DOCK8: variants seen among roughly 807,000 people sequenced by gnomAD.
DOCK8 encodes the protein dedicator of cytokinesis 8, also known as dedicator of cytokinesis protein 8.
DOCK8 carries 141 observed loss-of-function variants against 245.6 expected under a neutral mutation model. That is an observed-to-expected ratio of 0.57 (90% CI 0.50 to 0.66). The LOEUF (loss-of-function observed/expected upper bound fraction) is 0.66, where lower values mean the gene tolerates loss of function less well. Among genes scored for constraint, DOCK8 ranks in the 30% least tolerant of loss-of-function variants. The pLI is 0.00. For missense variants in DOCK8, 2,965 were observed against 2,603.4 expected, an observed-to-expected ratio of 1.14 and a Z score of -3.02; for synonymous variants, 1,168 against 970.2, an observed-to-expected ratio of 1.20 and a Z score of -3.79.
At chr9:273,031 C>G (rs1035026043) in intron 2 of DOCK8, 1 of 985,168 alleles carries the variant, frequency 1.0e-6, no homozygotes, top group African/African-American at 1.7e-5. Context: ...ACCTTCCGCT[C>G]AGTTTCCGGT....
intron 2 of DOCK8, among the ~76,000 whole-genome samples, chr9:276,583 T>C (rs1401430577): frequency 6.6e-6 from 1 of 152,192 alleles, no homozygotes; most frequent in South Asian, 2.1e-4. Context: ...CCAGGTCTAT[T>C]TGACACTCCT....
rs775169884 is a variant in DOCK8 at position 399,227 on chromosome 9, G to A, written c.3202G>A (p.Val1068Met). The change falls in exon 26 of 48, where the codon GTG becomes ATG. Residue 1068 changes from valine to methionine, a missense_variant. By Grantham distance (21) the Val-to-Met change is conservative. This residue lies in a region of DOCK8 where 2,825 missense variants were observed against 2,453.5 expected (regional missense o/e 1.15). Coordinates refer to ENST00000432829, the MANE Select transcript of DOCK8 (RefSeq NM_203447.4). The stretch of plus-strand genomic sequence containing the variant: ...TCTCTCCCTCATGGATCGGGGCTTT[G>A]TGTTTAACCTCATCAGACATTATTG... ...DLLSLMDRGFVFNLIRHYCSQ... is the reference protein window; with the variant it reads ...DLLSLMDRGFMFNLIRHYCSQ... 8 of 1,613,916 alleles carry A rather than the reference G, an allele frequency of 5.0e-6. No homozygotes were observed. The highest frequency in any genetic ancestry group is 1.7e-4 in the Middle Eastern group (1 of 6,060).
chr9:250,704 A>G (rs977653993), intron 1 of DOCK8, among the ~76,000 whole-genome samples: 2 of 152,228 alleles, frequency 1.3e-5, no homozygotes, highest in Non-Finnish European at 2.9e-5. Flanking sequence ...ATCAAATAGT[A>G]GAGTTGATAG....
intron 20 of DOCK8, among the ~76,000 whole-genome samples, chr9:378,220 T>C (rs145465015): frequency 1.0e-3 from 152 of 152,234 alleles, no homozygotes; most frequent in African/African-American, 3.5e-3. Flanking sequence ...AAAACATCCA[T>C]CTGGGAGGAT....
At chr9:272,085 A>C (rs1303353068) in intron 2 of DOCK8, among the ~76,000 whole-genome samples, 1 of 152,188 alleles carries the variant, frequency 6.6e-6, no homozygotes, top group Non-Finnish European at 1.5e-5. Flanking sequence ...CATATTCCAA[A>C]ATCTGAAATG....
At chr9:374,529 A>G (rs1443590178) in intron 18 of DOCK8, among the ~76,000 whole-genome samples, 2 of 136,164 alleles carry the variant, frequency 1.5e-5, no homozygotes, top group African/African-American at 5.6e-5. Flanking sequence ...TGGCGTGATC[A>G]CAGCTCACTG....
At chr9:418,001 T>A in intron 29 of DOCK8, 67 bp from the exon 30 acceptor site, 1 of 1,606,980 alleles carries the variant, frequency 6.2e-7, no homozygotes, top group Admixed American at 1.7e-5. Context: ...ATCAGTCTCT[T>A]ATTGGGTAGG....
At chr9:336,275 C>T (rs1287017935) in intron 11 of DOCK8, among the ~76,000 whole-genome samples, 1 of 152,202 alleles carries the variant, frequency 6.6e-6, no homozygotes, top group African/African-American at 2.4e-5. Context: ...TAAAGCTTAT[C>T]AGGAGACCCT....
At chr9:429,185 T>G (rs2056615787) in intron 35 of DOCK8, among the ~76,000 whole-genome samples, 2 of 152,194 alleles carry the variant, frequency 1.3e-5, no homozygotes, top group Admixed American at 1.3e-4. Context: ...CAGGCTGGTC[T>G]TGAACTCCTG....
In DOCK8 at chr9:393,085, C is replaced by CAAAA. The variant is rs1159933739; in HGVS notation, c.2970+2545_2970+2548dup. On this transcript the variant is annotated intron_variant, in intron 24 of 47. Coordinates refer to ENST00000432829, the MANE Select transcript of DOCK8 (RefSeq NM_203447.4). Reference sequence around the variant, plus strand: ...TGGGCAACAGATTGAGACCCTGTCTCAAAAAAAAAAAAAAAAAAAAAAAAA... The same window carrying CAAAA: ...TGGGCAACAGATTGAGACCCTGTCTCAAAAAAAAAAAAAAAAAAAAAAAAAAAAA... 4.5e-3 allele frequency among the ~76,000 whole-genome samples: 200 copies of CAAAA among 44,642 alleles called. 1 individual carries two copies. Among genetic ancestry groups the CAAAA allele is most frequent in the Non-Finnish European group, 5.2e-3 (125 of 23,952 alleles). 29.3% of individuals were successfully genotyped at this position (44,642 alleles called of 152,430 possible). A position where few individuals can be genotyped will look rare whatever the true frequency, so the allele number is the denominator to read the frequency against.
At chr9:287,652 ATATGTG>A (rs956739068) in intron 3 of DOCK8, among the ~76,000 whole-genome samples, 1 of 152,222 alleles carries the variant, frequency 6.6e-6, no homozygotes, top group African/African-American at 2.4e-5. Flanking sequence ...AGAACTGACC[ATATGTG>A]TAGCTCTGAT....
intron 1 of DOCK8, among the ~76,000 whole-genome samples, chr9:232,291 G>C (rs1308196725): frequency 6.6e-6 from 1 of 152,060 alleles, no homozygotes; most frequent in Non-Finnish European, 1.5e-5. Flanking sequence ...TGCTGGATTC[G>C]GTTTGCCAGT....
chr9:417,967 T>C, intron 29 of DOCK8, 101 bp from the exon 30 acceptor site: 1 of 1,488,434 alleles, frequency 6.7e-7, no homozygotes, highest in Non-Finnish European at 9.3e-7. Context: ...GAAATTACTG[T>C]GCTGACTTTA....
At chr9:252,125 C>A (rs2047664844) in intron 1 of DOCK8, among the ~76,000 whole-genome samples, 1 of 151,878 alleles carries the variant, frequency 6.6e-6, no homozygotes, top group African/African-American at 2.4e-5. Flanking sequence ...AGGCATATGC[C>A]ACCATGCCCG....
intron 7 of DOCK8, among the ~76,000 whole-genome samples, chr9:324,925 A>C (rs1471383608): frequency 6.6e-6 from 1 of 152,142 alleles, no homozygotes; most frequent in African/African-American, 2.4e-5. Context: ...CCGTCACCCA[A>C]GCAGTGTACA....
rs577143800 is a variant in DOCK8 at position 244,985 on chromosome 9, C to A, written c.54-26642C>A. Among the ~76,000 whole-genome samples, 22 of 152,192 alleles carry A rather than the reference C, an allele frequency of 1.4e-4. No individual in the cohort carries two copies. The East Asian group carries it at 4.1e-3, about 28-fold the overall frequency. ...GGGCAGACCACTGGGAAAAACAAGA[C>A]CCTTGGGTTTTCTGACCACTGGCCA... On this transcript the variant is annotated intron_variant, in intron 1 of 47. Coordinates refer to ENST00000432829, the MANE Select transcript of DOCK8 (RefSeq NM_203447.4).
At chr9:326,448 A>G (rs10970468) in intron 8 of DOCK8, among the ~76,000 whole-genome samples, 54,812 of 152,072 alleles carry the variant, frequency 0.36, 10,969 homozygotes, top group East Asian at 0.71. Flanking sequence ...ATGCATCACA[A>G]TCTCCTGGAG....
intron 7 of DOCK8, among the ~76,000 whole-genome samples, chr9:318,636 T>C (rs1586689149): frequency 6.6e-6 from 1 of 152,188 alleles, no homozygotes; most frequent in Non-Finnish European, 1.5e-5. Context: ...TACGGAGAAA[T>C]GAGCAGCCCA....
chr9:387,710 G>A (rs1043697095), intron 23 of DOCK8, among the ~76,000 whole-genome samples: 2 of 152,168 alleles, frequency 1.3e-5, no homozygotes, highest in African/African-American at 4.8e-5. Context: ...AGTGAAAAAA[G>A]ATATGGTTAG....
Sources: allele counts gnomAD v4.1 joint callset (sites outside exome capture counted in the v4.1 genomes callset), GRCh38; gene constraint gnomAD v4.1.1; regional missense constraint gnomAD v4.1.1; transcripts MANE v1.5; gene names NCBI Gene and HGNC (gene_info 2026-07-23, HGNC 2026-07-21).